PSPC1: variants seen among roughly 807,000 people sequenced by gnomAD.
PSPC1 encodes paraspeckle protein 1.
Under a neutral mutation model 51.6 loss-of-function variants are expected in PSPC1, and 14 were observed. The observed-to-expected ratio is 0.27, with a 90% CI of 0.18 to 0.42. PSPC1 has a LOEUF of 0.42. PSPC1 is among the 10% of genes least tolerant of loss of function. The pLI, the probability that PSPC1 is intolerant of heterozygous loss-of-function variation, is 1.00. For synonymous variants in PSPC1, 193 were observed against 231.9 expected (o/e 0.83, Z 1.53); for missense variants, 406 against 701.1 (o/e 0.58, Z 4.75).
At chr13:19,774,460 G>C (rs1888903548) in intron 1 of PSPC1, among the ~76,000 whole-genome samples, 2 of 152,100 alleles carry the variant, frequency 1.3e-5, no homozygotes, top group Admixed American at 1.3e-4. Flanking sequence ...CCTTTTTAGA[G>C]ATATAGTCAT....
intron 6 of PSPC1, among the ~76,000 whole-genome samples, chr13:19,686,081 C>T (rs960944399): frequency 6.6e-6 from 1 of 152,192 alleles, no homozygotes. Context: ...CTTTGATTCT[C>T]GCTCTCCTCC....
chr13:19,685,269 T>C (rs1446652356), intron 6 of PSPC1, among the ~76,000 whole-genome samples: 1 of 152,228 alleles, frequency 6.6e-6, no homozygotes, highest in Non-Finnish European at 1.5e-5. Context: ...GTAAGTGCCA[T>C]GTGAACCTCA....
rs774485617 is a variant in PSPC1 at position 19,730,278 on chromosome 13, C to T, written c.1119G>A (p.Arg373=). ...MIRHREQEEL[R]RQQEGFKPNY... is the part of the protein sequence containing the mutation. ...TTGGCTTAAAGCCCTCTTGCTGTCG[C>T]CTCAGTTCCTCCTGTTCTCTGTGTC... The change falls in exon 6 of 9, where the codon AGG becomes AGA. Residue 373 remains arginine (R), a synonymous_variant. Transcript: ENST00000338910. 6.2e-7 allele frequency: 1 copy of T among 1,614,072 alleles called. No individual in the cohort carries two copies. The highest frequency in any genetic ancestry group is 1.1e-5 in the South Asian group (1 of 91,070).
intron 3 of PSPC1, among the ~76,000 whole-genome samples, 195 bp downstream of exon 3, chr13:19,759,128 C>T (rs185624912): frequency 1.8e-4 from 27 of 151,488 alleles, no homozygotes; most frequent in Admixed American, 1.3e-3. Flanking sequence ...CCAGCCTGGG[C>T]GACAGAGCAA....
chr13:19,720,582 CAT>C (rs1362646543), intron 6 of PSPC1, among the ~76,000 whole-genome samples: 1 of 152,138 alleles, frequency 6.6e-6, no homozygotes, highest in Admixed American at 6.6e-5. Context: ...GGTTTAAATA[CAT>C]AGTCATTTTT....
intron 6 of PSPC1, among the ~76,000 whole-genome samples, chr13:19,720,887 T>G (rs1882688781): frequency 6.6e-6 from 1 of 152,140 alleles, no homozygotes; most frequent in Admixed American, 6.6e-5. Flanking sequence ...TAATTATAAT[T>G]ATCAATCTAA....
chr13:19,772,594 T>C, intron 1 of PSPC1, 51 bp from the exon 2 acceptor site: 1 of 1,525,908 alleles, frequency 6.6e-7, no homozygotes. Flanking sequence ...CAGAAAAAAT[T>C]CAAAACAGTG....
downstream of PSPC1, among the ~76,000 whole-genome samples, chr13:19,701,030 C>A (rs1188846063): frequency 3.3e-5 from 5 of 152,286 alleles, no homozygotes; most frequent in East Asian, 5.8e-4. Flanking sequence ...CTGCTCCCAG[C>A]GTAAACTTGG....
chr13:19,755,956 G>A (rs1887022248), intron 3 of PSPC1, among the ~76,000 whole-genome samples: 2 of 152,256 alleles, frequency 1.3e-5, no homozygotes, highest in Non-Finnish European at 2.9e-5. Context: ...AAACAAGTGG[G>A]CCGGGCGCAG....
At chr13:19,753,727 G>C (rs1221853589) in intron 3 of PSPC1, among the ~76,000 whole-genome samples, 1 of 152,096 alleles carries the variant, frequency 6.6e-6, no homozygotes, top group Non-Finnish European at 1.5e-5. Context: ...GAGAGAAGAA[G>C]GCTGTCACAG....
intron 8 of PSPC1, among the ~76,000 whole-genome samples, 155 bp downstream of exon 8, chr13:19,705,507 A>AC (rs1880537772): frequency 6.6e-6 from 1 of 152,050 alleles, no homozygotes; most frequent in African/African-American, 2.4e-5. Flanking sequence ...AAAAAAAAAA[A>AC]CTATCTGTAA....
chr13:19,709,343 C>A (rs1381277345), intron 7 of PSPC1, among the ~76,000 whole-genome samples, 199 bp downstream of exon 7: 1 of 152,016 alleles, frequency 6.6e-6, no homozygotes, highest in South Asian at 2.1e-4. Flanking sequence ...CAAACAAAAA[C>A]AAAATGAGAA....
Position 19,759,329 on chromosome 13 carries a change from T to C in PSPC1, c.764A>G (p.Tyr255Cys). 1 of 1,611,352 alleles carries C rather than the reference T, an allele frequency of 6.2e-7. No homozygotes were observed. Among genetic ancestry groups the C allele is most frequent in the Non-Finnish European group, 8.5e-7 (1 of 1,177,502 alleles). The change falls in exon 3 of 9, where the codon TAT becomes TGT. Residue 255 changes from tyrosine (Y) to cysteine (C), a missense_variant. By Grantham distance (194) the Tyr-to-Cys change is radical. Coordinates refer to ENST00000338910, the MANE Select transcript of PSPC1 (RefSeq NM_001354909.2). Reference sequence around the variant, plus strand: ...TCTATTAATAAAATCTTACTTATGATATTGTTGAGTTTTCTGCATCAGCTT... The same window carrying C: ...TCTATTAATAAAATCTTACTTATGACATTGTTGAGTTTTCTGCATCAGCTT... ...PEKLMQKTQQ[Y>C]HKEREQPPRF... is the part of the protein sequence containing the mutation.
At chr13:19,684,392 T>C (rs1236455059) in intron 6 of PSPC1, among the ~76,000 whole-genome samples, 1 of 152,200 alleles carries the variant, frequency 6.6e-6, no homozygotes, top group Non-Finnish European at 1.5e-5. Flanking sequence ...CTTTAAAAGT[T>C]CAATATTTCA....
At chr13:19,715,727 C>G (rs1485964061) in intron 6 of PSPC1, among the ~76,000 whole-genome samples, 1 of 152,078 alleles carries the variant, frequency 6.6e-6, no homozygotes, top group Non-Finnish European at 1.5e-5. Flanking sequence ...GACACTGTCT[C>G]TTAAAAAAAA....
intron 6 of PSPC1, among the ~76,000 whole-genome samples, chr13:19,718,000 G>A (rs556671353): frequency 1.4e-4 from 21 of 152,060 alleles, no homozygotes; most frequent in Admixed American, 8.5e-4. Context: ...CTATGATTGC[G>A]TCACTGCACT....
At chr13:19,697,905 TAATA>T (rs568949902), downstream of PSPC1, among the ~76,000 whole-genome samples, 3 of 152,242 alleles carry the variant, frequency 2.0e-5, no homozygotes, top group Non-Finnish European at 4.4e-5. Context: ...AATTTTCACG[TAATA>T]AATAATACAA....
In PSPC1 at chr13:19,717,396, T is replaced by C. The variant is rs1377345314; in HGVS notation, c.1159-7797A>G. 2.7e-5 allele frequency among the ~76,000 whole-genome samples: 4 copies of C among 150,796 alleles called. No homozygotes were observed. In the East Asian group the frequency reaches 5.9e-4, roughly 22 times the overall value. ...GCCTGGCCAACATGGTGAAACCCCATAAATACTAAAAATACAAAAGAAATT... is the reference window on the plus strand; with the variant it reads ...GCCTGGCCAACATGGTGAAACCCCACAAATACTAAAAATACAAAAGAAATT... On this transcript the variant is annotated intron_variant, in intron 6 of 8. Transcript: ENST00000338910.
chr13:19,778,300 AAAAT>A, intron 1 of PSPC1, among the ~76,000 whole-genome samples: 1 of 101,146 alleles, frequency 9.9e-6, no homozygotes, highest in East Asian at 6.2e-4. Context: ...AAAAAAGAAA[AAAAT>A]TAATAAAAAT....
Sources: allele counts gnomAD v4.1 joint callset (sites outside exome capture counted in the v4.1 genomes callset), GRCh38; gene constraint gnomAD v4.1.1; transcripts MANE v1.5; gene names NCBI Gene and HGNC (gene_info 2026-07-23, HGNC 2026-07-21).